ASPM: variants seen among roughly 807,000 people sequenced by gnomAD.
ASPM encodes the protein assembly factor for spindle microtubules.
In ASPM, 256 loss-of-function variants were observed where a neutral mutation model predicts 366.4. The observed-to-expected ratio is 0.70, with a 90% CI of 0.63 to 0.77. The LOEUF (loss-of-function observed/expected upper bound fraction) is 0.77. Among genes scored for constraint, ASPM ranks in the 30% least tolerant of loss-of-function variants. The pLI is 0.00. For missense variants in ASPM, 4,146 were observed against 4,090.4 expected, an observed-to-expected ratio of 1.01 and a Z score of -0.37; for synonymous variants, 1,414 against 1,342.9, an observed-to-expected ratio of 1.05 and a Z score of -1.16.
At chr1:197,132,950 T>C (rs989086607) in intron 6 of ASPM, among the ~76,000 whole-genome samples, 15 of 152,036 alleles carry the variant, frequency 9.9e-5, no homozygotes, top group African/African-American at 3.4e-4. Context: ...GCACAGAGAA[T>C]GGTGGTTGCC....
intron 14 of ASPM, 27 bp from the exon 15 acceptor site, chr1:197,122,328 T>C: frequency 1.2e-6 from 2 of 1,613,668 alleles, no homozygotes; most frequent in Non-Finnish European, 8.5e-7. Context: ...AAGGAGAAAT[T>C]AGCCGTAGCT....
Position 197,139,883 on chromosome 1 carries a change from T to C in ASPM, c.1922-12A>G, listed in dbSNP as rs1321552315. On this transcript the variant is annotated splice_polypyrimidine_tract_variant and intron_variant, in intron 3 of 27. Coordinates refer to ENST00000367409, the MANE Select transcript of ASPM (RefSeq NM_018136.5). The stretch of plus-strand genomic sequence containing the variant: ...GAATATTGATAAATCTAAAATAAAT[T>C]AGAAAACAAAACTAAGAGCATTAAA... 1 of 1,540,106 alleles carries C rather than the reference T, an allele frequency of 6.5e-7. No homozygotes were observed. Among genetic ancestry groups the C allele is most frequent in the African/African-American group, 1.4e-5 (1 of 73,336 alleles).
intron 4 of ASPM, among the ~76,000 whole-genome samples, chr1:197,136,085 ATTATG>A (rs1658411473): frequency 1.3e-5 from 2 of 152,362 alleles, no homozygotes; most frequent in South Asian, 4.1e-4. Flanking sequence ...TAGGCAGTGG[ATTATG>A]TATTTAAAAT....
At chr1:197,094,450 G>A (rs1179337655) in intron 19 of ASPM, among the ~76,000 whole-genome samples, 51 of 151,664 alleles carry the variant, frequency 3.4e-4, no homozygotes. Context: ...ATTTTGAACA[G>A]GATCAAAATA....
At chr1:197,140,864 A>C (rs1369975705) in intron 3 of ASPM, among the ~76,000 whole-genome samples, 1 of 152,196 alleles carries the variant, frequency 6.6e-6, no homozygotes, top group African/African-American at 2.4e-5. Context: ...TAGTGGAAGA[A>C]ACAACCCTTA....
At chr1:197,089,473 C>T (rs1231525455) in intron 25 of ASPM, among the ~76,000 whole-genome samples, 1 of 151,980 alleles carries the variant, frequency 6.6e-6, no homozygotes, top group African/African-American at 2.4e-5. Context: ...TAGATAACAT[C>T]ACCACCTCTA....
intron 17 of ASPM, among the ~76,000 whole-genome samples, chr1:197,116,650 T>C (rs1281102623): frequency 6.6e-6 from 1 of 152,100 alleles, no homozygotes; most frequent in Non-Finnish European, 1.5e-5. Context: ...GACATGTTCA[T>C]AATACCTTTA....
intron 25 of ASPM, among the ~76,000 whole-genome samples, chr1:197,089,529 A>G (rs1208578767): frequency 1.3e-5 from 2 of 151,948 alleles, no homozygotes; most frequent in African/African-American, 4.8e-5. Flanking sequence ...CACTTATCAC[A>G]CTCAGGTTCT....
At position 197,146,315 on chromosome 1, in the gene ASPM, G is replaced by A. The variant is rs1571633931; in HGVS notation, c.123C>T (p.Leu41=). The change falls in exon 1 of 28, where the codon CTC becomes CTT. Residue 41 remains leucine, a synonymous_variant. Coordinates refer to ENST00000367409, the MANE Select transcript of ASPM (RefSeq NM_018136.5). ...GGAAAGGAGACCTGCAGAAGTGGCT[G>A]AGAGACAGGACCGGCGGGGAAGACG... ...EEASSPPVLS[L]SHFCRSPFLC... is the part of the protein sequence containing the mutation. 1.9e-6 allele frequency: 3 copies of A among 1,613,910 alleles called. No homozygotes were observed. The highest frequency in any genetic ancestry group is 2.2e-5 in the East Asian group (1 of 44,834).
intron 8 of ASPM, among the ~76,000 whole-genome samples, chr1:197,129,613 C>A (rs1464714620): frequency 6.6e-6 from 1 of 152,090 alleles, no homozygotes. Context: ...TTAATGAACA[C>A]CTACTACATG....
At chr1:197,086,686 C>A in intron 27 of ASPM, 117 bp downstream of exon 27, 2 of 874,182 alleles carry the variant, frequency 2.3e-6, no homozygotes, top group Non-Finnish European at 3.8e-6. Flanking sequence ...CATTCTTATT[C>A]ATATGTTGTT....
intron 16 of ASPM, among the ~76,000 whole-genome samples, chr1:197,119,860 CT>C (rs1459810605): frequency 1.3e-5 from 2 of 152,062 alleles, no homozygotes; most frequent in Admixed American, 1.3e-4. Context: ...GTTTGAGCCA[CT>C]CCATTAATAG....
At position 197,093,044 on chromosome 1, in the gene ASPM, ATACT is replaced by A. The variant is rs777826220; in HGVS notation, c.9294+4_9294+7del. The A allele has an allele frequency of 7.6e-5, 121 of 1,591,942 alleles. No homozygotes were observed. The highest frequency in any genetic ancestry group is 9.8e-5 in the Non-Finnish European group (114 of 1,161,568). ...TAAGAATGAGATATGCTACTTGAAA[ATACT>A]TACTCTTTTTCGTACTAGCCAACCA... On this transcript the variant is annotated splice_donor_5th_base_variant and intron_variant, in intron 21 of 27. Coordinates refer to ENST00000367409, the MANE Select transcript of ASPM (RefSeq NM_018136.5).
intron 18 of ASPM, among the ~76,000 whole-genome samples, chr1:197,096,686 C>T (rs1408247219): frequency 6.6e-6 from 1 of 151,712 alleles, no homozygotes; most frequent in African/African-American, 2.4e-5. Flanking sequence ...GTTTACATGA[C>T]AGCTACAACT....
chr1:197,107,240 T>C (rs1657440675), intron 17 of ASPM, among the ~76,000 whole-genome samples: 2 of 152,156 alleles, frequency 1.3e-5, no homozygotes, highest in South Asian at 2.1e-4. Context: ...CAGTAGGCTA[T>C]AGACTTTAAG....
Position 197,100,568 on chromosome 1 carries a change from C to A in ASPM, c.8683G>T (p.Ala2895Ser). ...CTTTGATGTTTTGCAGACAGAAATG[C>A]TCTGTAGTGATTTTGTAAAACCACT... ...AAVVLQNHYRAFLSAKHQRQV... is the reference protein window; with the variant it reads ...AAVVLQNHYRSFLSAKHQRQV... The change falls in exon 18 of 28, where the codon GCA becomes TCA. Residue 2895 changes from alanine to serine, a missense_variant. Around this residue, in one of 3 missense-constraint regions of ASPM, gnomAD observed 3,624 missense variants for 3,591.7 expected, o/e 1.01. Transcript: ENST00000367409. 6.2e-7 allele frequency: 1 copy of A among 1,611,850 alleles called. No individual in the cohort carries two copies. Among genetic ancestry groups the A allele is most frequent in the Non-Finnish European group, 8.5e-7 (1 of 1,178,766 alleles).
intron 13 of ASPM, among the ~76,000 whole-genome samples, chr1:197,123,619 A>G (rs1657985753): frequency 6.6e-6 from 1 of 152,102 alleles, no homozygotes; most frequent in Non-Finnish European, 1.5e-5. Context: ...TCTGTCTTAT[A>G]TTTATTACCA....
chr1:197,088,440 A>C lies in ASPM; in HGVS notation c.9985-8T>G. 6.3e-7 allele frequency: 1 copy of C among 1,583,646 alleles called. No individual in the cohort carries two copies. Among genetic ancestry groups the C allele is most frequent in the East Asian group, 2.2e-5 (1 of 44,632 alleles). ...TGAAGTAGTTTTCTCATACTTGAAG[A>C]GAACAGAATGAAATTAAAAGTTGTA... On this transcript the variant is annotated splice_polypyrimidine_tract_variant and splice_region_variant and intron_variant, in intron 25 of 27. Transcript: ENST00000367409.
chr1:197,093,287 A>G, intron 20 of ASPM, 26 bp from the exon 21 acceptor site: 1 of 1,565,956 alleles, frequency 6.4e-7, no homozygotes, highest in Non-Finnish European at 8.8e-7. Flanking sequence ...TACAAGTAAC[A>G]TTAATGGGTA....
Sources: allele counts gnomAD v4.1 joint callset (sites outside exome capture counted in the v4.1 genomes callset), GRCh38; gene constraint gnomAD v4.1.1; regional missense constraint gnomAD v4.1.1; transcripts MANE v1.5; gene names NCBI Gene and HGNC (gene_info 2026-07-23, HGNC 2026-07-21).